Variants in NRG1 observed in about 807,000 individuals in gnomAD.
The protein encoded by NRG1 is neuregulin 1.
NRG1 carries 18 observed loss-of-function variants against 63.8 expected under a neutral mutation model. The ratio of observed to expected loss-of-function variants is 0.28; its 90% confidence interval spans 0.19 to 0.42. The LOEUF (loss-of-function observed/expected upper bound fraction) is 0.42. NRG1 is among the 10% of genes least tolerant of loss of function. The pLI is 1.00. For synonymous variants in NRG1, 302 were observed against 301.3 expected (o/e 1.00, Z -0.02); for missense variants, 762 against 814.7 (o/e 0.94, Z 0.79).
At chr8:31,848,466 C>T (rs1586788350) in intron 1 of NRG1, among the ~76,000 whole-genome samples, 1 of 152,176 alleles carries the variant, frequency 6.6e-6, no homozygotes, top group Admixed American at 6.5e-5. Flanking sequence ...GTTTACATAG[C>T]AAATACACTT....
At chr8:31,837,578 A>T (rs1231412099) in intron 1 of NRG1, among the ~76,000 whole-genome samples, 1 of 152,016 alleles carries the variant, frequency 6.6e-6, no homozygotes, top group African/African-American at 2.4e-5. Context: ...ACAGAGTACT[A>T]GAACTTATTC....
At chr8:32,342,942 A>G (rs1175797087) in intron 1 of NRG1, among the ~76,000 whole-genome samples, 1 of 152,202 alleles carries the variant, frequency 6.6e-6, no homozygotes, top group East Asian at 1.9e-4. Context: ...ATGAAAACTA[A>G]ATCATGGGGA....
intron 1 of NRG1, among the ~76,000 whole-genome samples, chr8:31,811,512 AG>A (rs2131785120): frequency 6.6e-6 from 1 of 152,336 alleles, no homozygotes; most frequent in South Asian, 2.1e-4. Context: ...GTACAGGGAA[AG>A]ACAGATATAT....
At chr8:31,814,879 C>T (rs1030944204) in intron 1 of NRG1, among the ~76,000 whole-genome samples, 1 of 151,670 alleles carries the variant, frequency 6.6e-6, no homozygotes. Context: ...ACAAATGGTG[C>T]CCCCCTGCAA....
At chr8:32,487,861 C>G (rs897567258) in intron 1 of NRG1, among the ~76,000 whole-genome samples, 1 of 152,166 alleles carries the variant, frequency 6.6e-6, no homozygotes, top group African/African-American at 2.4e-5. Context: ...GAATGCTCAG[C>G]AGATGGTTGT....
At chr8:32,145,408 A>G (rs576497343) in intron 1 of NRG1, among the ~76,000 whole-genome samples, 30 of 152,246 alleles carry the variant, frequency 2.0e-4, no homozygotes, top group Middle Eastern at 3.4e-3. Context: ...CCATAAAGAT[A>G]TATTAGCACA....
chr8:31,815,308 ATTCAAAGTAC>A (rs531392905), intron 1 of NRG1, among the ~76,000 whole-genome samples: 95 of 152,234 alleles, frequency 6.2e-4, no homozygotes, highest in Non-Finnish European at 1.2e-3. Context: ...GATTTTGGCT[ATTCAAAGTAC>A]TTCATATAAG....
At chr8:32,198,858 G>A (rs1469657807) in intron 1 of NRG1, among the ~76,000 whole-genome samples, 1 of 151,332 alleles carries the variant, frequency 6.6e-6, no homozygotes, top group Non-Finnish European at 1.5e-5. Flanking sequence ...TATTTACTAC[G>A]TTTCTGAAAA....
At chr8:32,264,850 A>G (rs920784866) in intron 1 of NRG1, among the ~76,000 whole-genome samples, 5 of 152,168 alleles carry the variant, frequency 3.3e-5, no homozygotes, top group Non-Finnish European at 7.3e-5. Context: ...CGGTTTGGAA[A>G]GACTTCGTGG....
At position 32,177,295 on chromosome 8, in the gene NRG1, G is replaced by A. The variant is rs192942454; in HGVS notation, c.38-418533G>A. 3.0e-3 allele frequency among the ~76,000 whole-genome samples: 444 copies of A among 148,872 alleles called. 2 individuals carry two copies. The highest frequency in any genetic ancestry group is 0.01 in the African/African-American group (410 of 40,420). Reference sequence around the variant, plus strand: ...TTGAACAATGAGAACACATGGACACGGGAAGGGGAACATCACACACTGGGG... The same window carrying A: ...TTGAACAATGAGAACACATGGACACAGGAAGGGGAACATCACACACTGGGG... On this transcript the variant is annotated intron_variant, in intron 1 of 10. Transcript: ENST00000519301.
rs1051913385 is a variant in NRG1 at position 32,245,586 on chromosome 8, G to T, written c.38-350242G>T. Among the ~76,000 whole-genome samples, 6 of 152,136 alleles carry T rather than the reference G, an allele frequency of 3.9e-5. No individual in the cohort carries two copies. In the East Asian group the frequency reaches 7.7e-4, roughly 20 times the overall value. The stretch of plus-strand genomic sequence containing the variant: ...ACAATCTGATAAACAGGAAGGAGCT[G>T]CTTGCTATAGTTTTCCACTGAAACA... On this transcript the variant is annotated intron_variant, in intron 1 of 10. Transcript: ENST00000519301.
intron 1 of NRG1, among the ~76,000 whole-genome samples, chr8:32,175,463 T>A (rs1241687795): frequency 6.6e-6 from 1 of 152,108 alleles, no homozygotes; most frequent in Non-Finnish European, 1.5e-5. Context: ...TTCAACATAG[T>A]GTTGGAAGTT....
intron 1 of NRG1, among the ~76,000 whole-genome samples, chr8:32,309,506 T>A (rs1004949877): frequency 6.6e-6 from 1 of 152,224 alleles, no homozygotes; most frequent in Non-Finnish European, 1.5e-5. Context: ...TGTGTATACT[T>A]TTCTCTTGTT....
intron 1 of NRG1, among the ~76,000 whole-genome samples, chr8:31,826,064 C>G (rs1824519239): frequency 6.6e-6 from 1 of 152,128 alleles, no homozygotes; most frequent in Admixed American, 6.5e-5. Context: ...CTATTTTCAC[C>G]TAGAAATAGA....
Position 32,610,095 on chromosome 8 carries a change from A to G in NRG1, c.400+4412A>G, listed in dbSNP as rs145923680. On this transcript the variant is annotated intron_variant, in intron 3 of 11. Transcript: ENST00000356819. ...TTTTAATTTATATTTTCTATGAACT[A>G]TCAGTCACTTTATTAATTTCATTTT... Among the ~76,000 whole-genome samples the G allele has an allele frequency of 6.0e-4, 91 of 152,216 alleles. No individual in the cohort carries two copies. In the East Asian group the frequency reaches 0.016, roughly 27 times the overall value.
intron 1 of NRG1, among the ~76,000 whole-genome samples, chr8:32,350,616 C>T (rs959431658): frequency 2.0e-5 from 3 of 152,128 alleles, no homozygotes; most frequent in African/African-American, 7.2e-5. Context: ...TCAGATTTGA[C>T]TTCTAATCCC....
chr8:32,465,135 A>T (rs1426754388), intron 1 of NRG1, among the ~76,000 whole-genome samples: 1 of 152,212 alleles, frequency 6.6e-6, no homozygotes, highest in Non-Finnish European at 1.5e-5. Flanking sequence ...CATGGGTGAC[A>T]GAGTGAGATT....
At chr8:31,809,384 GTA>G (rs986263235) in intron 1 of NRG1, among the ~76,000 whole-genome samples, 5 of 136,044 alleles carry the variant, frequency 3.7e-5, no homozygotes, top group Admixed American at 1.5e-4. Context: ...ATATATACGT[GTA>G]TATATATGTG....
At chr8:32,093,565 C>T (rs1450324264) in intron 1 of NRG1, among the ~76,000 whole-genome samples, 2 of 152,242 alleles carry the variant, frequency 1.3e-5, no homozygotes, top group South Asian at 2.1e-4. Flanking sequence ...ATATAGGAAC[C>T]GACAGACTGG....
Sources: allele counts gnomAD v4.1 joint callset (sites outside exome capture counted in the v4.1 genomes callset), GRCh38; gene constraint gnomAD v4.1.1; transcripts MANE v1.5; gene names NCBI Gene and HGNC (gene_info 2026-07-23, HGNC 2026-07-21).